Variants in HOMER1 observed in about 807,000 individuals in gnomAD.
HOMER1 encodes the protein homer protein homolog 1.
Under a neutral mutation model 48.9 loss-of-function variants are expected in HOMER1, and 3 were observed. The observed-to-expected ratio is 0.06, with a 90% confidence interval of 0.03 to 0.16. The LOEUF is 0.16. Ranked by LOEUF, HOMER1 falls within the 10% of genes least tolerant of loss-of-function variation. HOMER1 has a pLI of 1.00. For missense variants in HOMER1, 247 were observed against 411.4 expected, an observed-to-expected ratio of 0.60 and a Z score of 3.46; for synonymous variants, 134 against 146.4, an observed-to-expected ratio of 0.92 and a Z score of 0.61.
chr5:79,431,231 G>A (rs539550519), intron 5 of HOMER1, among the ~76,000 whole-genome samples: 5 of 152,298 alleles, frequency 3.3e-5, no homozygotes, highest in African/African-American at 1.2e-4. Context: ...GCTGAGGAAG[G>A]AGAATTGCTT....
At chr5:79,416,767 G>A (rs988898065) in intron 5 of HOMER1, among the ~76,000 whole-genome samples, 1 of 152,146 alleles carries the variant, frequency 6.6e-6, no homozygotes, top group South Asian at 2.1e-4. Context: ...TTGTATCCTC[G>A]CTGCTGGTTT....
At chr5:79,425,937 A>C (rs1561358931) in intron 5 of HOMER1, among the ~76,000 whole-genome samples, 1 of 152,066 alleles carries the variant, frequency 6.6e-6, no homozygotes, top group Non-Finnish European at 1.5e-5. Context: ...TGCTAATATA[A>C]AGTTCCAATA....
At position 79,512,896 on chromosome 5, in the gene HOMER1, G is replaced by C. The variant is rs545610159; in HGVS notation, c.-122C>G. 9.2e-6 allele frequency: 8 copies of C among 871,792 alleles called. No homozygotes were observed. The African/African-American group carries it at 1.4e-4, about 15-fold the overall frequency. 54.0% of individuals were successfully genotyped at this position (871,792 alleles called of 1,614,324 possible). On this transcript the variant is annotated 5_prime_UTR_variant, in exon 1 of 9. Transcript: ENST00000334082. ...CACCCCCACCCCCAGATCCTTGTCC[G>C]GAGGTATTTCAAGGATGCTGCCAAT...
chr5:79,401,674 G>A (rs1205268319), intron 6 of HOMER1, among the ~76,000 whole-genome samples: 1 of 151,962 alleles, frequency 6.6e-6, no homozygotes, highest in African/African-American at 2.4e-5. Context: ...GATAATATGG[G>A]GAATCAACAT....
At chr5:79,436,043 G>A (rs1409333349) in intron 5 of HOMER1, among the ~76,000 whole-genome samples, 7 of 149,186 alleles carry the variant, frequency 4.7e-5, no homozygotes, top group Non-Finnish European at 8.9e-5. Context: ...GGAGAATGGC[G>A]TGAACCCGGG....
Position 79,417,411 on chromosome 5 carries a change from G to A in HOMER1, c.528-15356C>T, listed in dbSNP as rs564029923. On this transcript the variant is annotated intron_variant, in intron 5 of 8. Coordinates refer to ENST00000334082, the MANE Select transcript of HOMER1 (RefSeq NM_004272.5). ...CCCGCCTCGGCCTCCCAAAGTGCTG[G>A]GATTATAGGCGTGAGCCACCGCACC... Among the ~76,000 whole-genome samples the A allele has an allele frequency of 3.3e-5, 5 of 152,204 alleles. No individual in the cohort carries two copies. The East Asian group carries it at 7.7e-4, about 24-fold the overall frequency.
chr5:79,471,597 C>A (rs1352905776), intron 1 of HOMER1, among the ~76,000 whole-genome samples: 1 of 151,622 alleles, frequency 6.6e-6, no homozygotes, highest in Non-Finnish European at 1.5e-5. Flanking sequence ...GGCCTAAAGG[C>A]CTTGTGCCAG....
chr5:79,416,535 G>C (rs1749948736), intron 5 of HOMER1, among the ~76,000 whole-genome samples: 2 of 152,200 alleles, frequency 1.3e-5, no homozygotes, highest in African/African-American at 4.8e-5. Flanking sequence ...AAATGTCCTG[G>C]TTCCTGTAAC....
intron 1 of HOMER1, among the ~76,000 whole-genome samples, chr5:79,480,971 A>G (rs1751927956): frequency 6.6e-6 from 1 of 152,196 alleles, no homozygotes; most frequent in South Asian, 2.1e-4. Context: ...ACAAAAAGAT[A>G]CTCTTCAACC....
intron 8 of HOMER1, among the ~76,000 whole-genome samples, chr5:79,377,172 G>T (rs972527114): frequency 6.6e-6 from 1 of 152,072 alleles, no homozygotes; most frequent in African/African-American, 2.4e-5. Flanking sequence ...CACCATGTTG[G>T]CCAGGCCAGT....
At chr5:79,414,821 C>T (rs1380888121) in intron 5 of HOMER1, among the ~76,000 whole-genome samples, 2 of 152,130 alleles carry the variant, frequency 1.3e-5, no homozygotes, top group Non-Finnish European at 2.9e-5. Flanking sequence ...ACATCCACCA[C>T]CTTTGCAACA....
At position 79,510,774 on chromosome 5, in the gene HOMER1, G is replaced by A. The variant is rs1430400454; in HGVS notation, c.5+1996C>T. 19 of 757,968 alleles carry A rather than the reference G, an allele frequency of 2.5e-5. No individual in the cohort carries two copies. In the Admixed American group the frequency reaches 2.9e-4, roughly 12 times the overall value. The allele number at this position is 757,968 out of a possible 1,614,324, so 47.0% of individuals were successfully genotyped here. A position where few individuals can be genotyped will look rare whatever the true frequency, so the allele number is the denominator to read the frequency against. On this transcript the variant is annotated intron_variant, in intron 1 of 8. Transcript: ENST00000334082. The stretch of plus-strand genomic sequence containing the variant: ...ATGCTCGTGCCCGCATTGCCAAGGG[G>A]CTCAGGGTGTGCTGGCCAAAGGCCA...
At chr5:79,425,828 T>C (rs957950918) in intron 5 of HOMER1, among the ~76,000 whole-genome samples, 1 of 152,010 alleles carries the variant, frequency 6.6e-6, no homozygotes, top group African/African-American at 2.4e-5. Context: ...GTGGTCTCTT[T>C]AATAGTAACT....
intron 5 of HOMER1, among the ~76,000 whole-genome samples, chr5:79,429,899 T>G (rs1750372293): frequency 6.6e-6 from 1 of 151,766 alleles, no homozygotes; most frequent in Non-Finnish European, 1.5e-5. Context: ...GGCGGGCGCC[T>G]GTAGTCCCAG....
chr5:79,512,746 T>A (rs1434720266), intron 1 of HOMER1, 24 bp downstream of exon 1: 2 of 1,611,812 alleles, frequency 1.2e-6, no homozygotes, highest in Non-Finnish European at 1.7e-6. Flanking sequence ...GATTCGAAGC[T>A]GTGTTAAGCA....
At chr5:79,453,998 C>G (rs1481643847) in intron 2 of HOMER1, among the ~76,000 whole-genome samples, 2 of 152,104 alleles carry the variant, frequency 1.3e-5, no homozygotes, top group African/African-American at 2.4e-5. Flanking sequence ...AAATATAACT[C>G]TGCTACAGAA....
At chr5:79,432,505 G>A (rs1750453025) in intron 5 of HOMER1, among the ~76,000 whole-genome samples, 1 of 152,158 alleles carries the variant, frequency 6.6e-6, no homozygotes, top group Admixed American at 6.5e-5. Flanking sequence ...CGCCATTGGA[G>A]GTGGGTTAGT....
At position 79,455,112 on chromosome 5, in the gene HOMER1, T is replaced by A. The variant is rs546135955; in HGVS notation, c.162+1750A>T. On this transcript the variant is annotated intron_variant, in intron 2 of 8. Coordinates refer to ENST00000334082, the MANE Select transcript of HOMER1 (RefSeq NM_004272.5). ...GCACCAATACACCTAGCTAATTTTT[T>A]TTTTTTTTGAGATGGGAACTCACTG... is the stretch of plus-strand genomic sequence containing the variant. Among the ~76,000 whole-genome samples, 72 of 152,020 alleles carry A rather than the reference T, an allele frequency of 4.7e-4. No individual in the cohort carries two copies. In the East Asian group the frequency reaches 0.012, roughly 24 times the overall value.
chr5:79,409,465 T>G (rs1749759674), intron 5 of HOMER1, among the ~76,000 whole-genome samples: 2 of 148,676 alleles, frequency 1.3e-5, no homozygotes, highest in East Asian at 3.9e-4. Context: ...TTTGTGACAT[T>G]GGATCTGCGA....
Sources: allele counts gnomAD v4.1 joint callset (sites outside exome capture counted in the v4.1 genomes callset), GRCh38; gene constraint gnomAD v4.1.1; transcripts MANE v1.5; gene names NCBI Gene and HGNC (gene_info 2026-07-23, HGNC 2026-07-21).